The following ABCA3 variants were observed in gnomAD, a reference collection of about 807,000 sequenced individuals.
ABCA3 encodes phospholipid-transporting ATPase ABCA3.
Under a neutral mutation model 172.8 loss-of-function variants are expected in ABCA3, and 88 were observed. That is an observed-to-expected ratio of 0.51 (90% CI 0.43 to 0.61). ABCA3 has a LOEUF of 0.61. ABCA3 is among the 20% of genes least tolerant of loss of function. The pLI, the probability that ABCA3 is intolerant of heterozygous loss-of-function variation, is 0.00. For synonymous variants in ABCA3, 1,066 were observed against 983.8 expected, an observed-to-expected ratio of 1.08 and a Z score of -1.56; for missense variants, 2,164 against 2,301.0, an observed-to-expected ratio of 0.94 and a Z score of 1.22.
chr16:2,299,980 T>C, intron 13 of ABCA3, 25 bp downstream of exon 13: 1 of 1,611,558 alleles, frequency 6.2e-7, no homozygotes, highest in East Asian at 2.2e-5. Context: ...GCCCCGGCCC[T>C]CCCTGTCCCC....
chr16:2,277,760 A>G lies in ABCA3; in HGVS notation c.4910-90T>C. 1.9e-6 allele frequency: 3 copies of G among 1,595,816 alleles called. No homozygotes were observed. The highest frequency in any genetic ancestry group is 2.6e-6 in the Non-Finnish European group (3 of 1,169,278). ...TGCTCAGCACTGGAGTCCTCGTCCC[A>G]GGGATTGGGGAGATGGGACTTGGCG... is the stretch of plus-strand genomic sequence containing the variant. On this transcript the variant is annotated intron_variant, in intron 31 of 32. Transcript: ENST00000301732. This position sits in a 1 kb window ranked among gnomAD's most constrained non-coding sequence, Gnocchi z 5.3.
chr16:2,311,290 T>C (rs1397457222), intron 10 of ABCA3, among the ~76,000 whole-genome samples: 1 of 152,098 alleles, frequency 6.6e-6, no homozygotes, highest in Non-Finnish European at 1.5e-5. Context: ...CCTTTTATGT[T>C]GTTTGGTTGA....
In ABCA3 at chr16:2,304,148, T is replaced by C. The variant is rs751315023; in HGVS notation, c.1288A>G (p.Met430Val). Residue 430 changes from methionine to valine, a missense_variant and splice_region_variant, in exon 12 of 33, where the codon ATG becomes GTG. Met to Val is a conservative substitution (Grantham distance 21, BLOSUM62 1). Coordinates refer to ENST00000301732, the MANE Select transcript of ABCA3 (RefSeq NM_001089.3). ...QLIGKFEAKG[M>V]GIQWRDLLSP... ...AGGAGGTCTCGCCACTGGATGCCCA[T>C]GCCTGGAAGACACATCAGGAAAGTG... is the stretch of plus-strand genomic sequence containing the variant. 3.0e-5 allele frequency: 48 copies of C among 1,613,960 alleles called. No individual in the cohort carries two copies. Among genetic ancestry groups the C allele is most frequent in the East Asian group, 1.1e-4 (5 of 44,884 alleles).
At position 2,286,356 on chromosome 16, in the gene ABCA3, A is replaced by G. The variant is rs1270588764; in HGVS notation, c.3278+338T>C. 6.6e-6 allele frequency among the ~76,000 whole-genome samples: 1 copy of G among 152,168 alleles called. No homozygotes were observed. Among genetic ancestry groups the G allele is most frequent in the Non-Finnish European group, 1.5e-5 (1 of 68,020 alleles). On this transcript the variant is annotated intron_variant, in intron 22 of 32. Transcript: ENST00000301732. This position sits in a 1 kb window ranked among gnomAD's most constrained non-coding sequence, Gnocchi z 5.2. ...TGCTCACCCTCCATCACCTCAGCTC[A>G]TGTGCCCAGCAGGTCACACTGCTGG...
At chr16:2,292,048 G>A (rs911270990) in intron 19 of ABCA3, 92 bp downstream of exon 19, 1 of 1,007,250 alleles carries the variant, frequency 9.9e-7, no homozygotes, top group African/African-American at 1.6e-5. Flanking sequence ...ACTCCAGCCT[G>A]GGCAACTAGA....
chr16:2,339,633 T>A (rs1408313619), intron 1 of ABCA3, among the ~76,000 whole-genome samples: 1 of 152,164 alleles, frequency 6.6e-6, no homozygotes, highest in Non-Finnish European at 1.5e-5. Context: ...CTCCATGCTG[T>A]CGCGGGGTCT....
At chr16:2,299,101 C>T (rs2093684769) in intron 14 of ABCA3, among the ~76,000 whole-genome samples, 1 of 133,888 alleles carries the variant, frequency 7.5e-6, no homozygotes, top group African/African-American at 2.8e-5. Flanking sequence ...GGGGGTCCCC[C>T]TGCATTCACG....
chr16:2,339,889 CGCGATGCACACAG>C (rs1401097032), intron 1 of ABCA3, among the ~76,000 whole-genome samples: 4 of 152,388 alleles, frequency 2.6e-5, no homozygotes, highest in South Asian at 2.1e-4. Context: ...GACACACGGA[CGCGATGCACACAG>C]GCGTCCTGAC....
chr16:2,329,630 C>CAGT lies in ABCA3; in HGVS notation c.-332+15_-332+17dup, dbSNP rs1240312486. The CAGT allele has an allele frequency of 2.0e-5, 3 of 152,664 alleles. No individual in the cohort carries two copies. The highest frequency in any genetic ancestry group is 4.4e-5 in the Non-Finnish European group (3 of 68,404). 9.5% of individuals were successfully genotyped at this position (152,664 alleles called of 1,614,324 possible). On this transcript the variant is annotated intron_variant, in intron 2 of 32. Coordinates refer to ENST00000301732, the MANE Select transcript of ABCA3 (RefSeq NM_001089.3). The stretch of plus-strand genomic sequence containing the variant: ...CCCCCTTCCCACACAGGCTGCAGGG[C>CAGT]AGTACCAGGGAACTCACCTGGGTCC...
At chr16:2,306,964 G>A (rs1340326545) in intron 11 of ABCA3, among the ~76,000 whole-genome samples, 14 of 143,070 alleles carry the variant, frequency 9.8e-5, no homozygotes, top group South Asian at 4.4e-4. Flanking sequence ...GCAGTGAGCC[G>A]AGATTGCGCC....
chr16:2,310,124 G>A (rs553834531), intron 10 of ABCA3, among the ~76,000 whole-genome samples: 12 of 152,150 alleles, frequency 7.9e-5, no homozygotes, highest in African/African-American at 2.9e-4. Context: ...AAAAAACCCC[G>A]GCTGGGTGTG....
Position 2,317,699 on chromosome 16 carries a change from G to T in ABCA3, c.939C>A (p.Phe313Leu). Residue 313 changes from phenylalanine (F) to leucine (L), a missense_variant, in exon 9 of 33, where the codon TTC becomes TTA. Physicochemically the swap from Phe to Leu is conservative, Grantham distance 22. Transcript: ENST00000301732. ...LHWSAWFLLFFLFLLIAASFM... is the reference protein window; with the variant it reads ...LHWSAWFLLFLLFLLIAASFM... Reference sequence around the variant, plus strand: ...AGGAGGCGGCGATGAGGAGGAAGAGGAAGAACAAGAGGAACCAGGCACTCC... The same window carrying T: ...AGGAGGCGGCGATGAGGAGGAAGAGTAAGAACAAGAGGAACCAGGCACTCC... The T allele has an allele frequency of 6.2e-7, 1 of 1,614,236 alleles. No homozygotes were observed.
chr16:2,311,500 A>T (rs1287561766), intron 10 of ABCA3, among the ~76,000 whole-genome samples: 2 of 151,834 alleles, frequency 1.3e-5, no homozygotes. Context: ...ATTAACATCC[A>T]TTGGTTTATC....
chr16:2,286,864 C>T lies in ABCA3; in HGVS notation c.3108G>A (p.Thr1036=), dbSNP rs1030532843. 1.9e-6 allele frequency: 3 copies of T among 1,614,072 alleles called. No individual in the cohort carries two copies. Among genetic ancestry groups the T allele is most frequent in the African/African-American group, 1.3e-5 (1 of 75,024 alleles). Residue 1036 remains threonine, a synonymous_variant, in exon 22 of 33, where the codon ACG becomes ACA. Transcript: ENST00000301732. This position sits in a 1 kb window ranked among gnomAD's most constrained non-coding sequence, Gnocchi z 5.2. ...AASFRDVGER[T]VVNALFNNQA... ...GGTTGTTGAACAAGGCGTTGACGAC[C>T]GTGCGCTCTCCCACATCTCTGAAGG...
At chr16:2,290,001 A>ACACACACACACACACACC (rs770697754) in intron 19 of ABCA3, among the ~76,000 whole-genome samples, 4 of 137,222 alleles carry the variant, frequency 2.9e-5, no homozygotes, top group East Asian at 4.6e-4. Context: ...ACACACACAC[A>ACACACACACACACACACC]CCCCTTCCTA....
chr16:2,276,874 C>T, intron 32 of ABCA3, 69 bp from the exon 33 acceptor site: 1 of 1,597,050 alleles, frequency 6.3e-7, no homozygotes, highest in Non-Finnish European at 8.6e-7. Context: ...ACCTGGGAGT[C>T]CTCTGGCAAT....
chr16:2,330,407 C>T (rs1388754229), intron 1 of ABCA3, among the ~76,000 whole-genome samples: 4 of 150,708 alleles, frequency 2.7e-5, no homozygotes, highest in Admixed American at 6.6e-5. Flanking sequence ...GCAACCTCCA[C>T]CTCCCAGGTT....
At chr16:2,292,771 CAAA>C (rs1204461830) in intron 18 of ABCA3, among the ~76,000 whole-genome samples, 1 of 151,630 alleles carries the variant, frequency 6.6e-6, no homozygotes, top group Non-Finnish European at 1.5e-5. Flanking sequence ...ATAAATAAAA[CAAA>C]ACAAAACAAC....
At chr16:2,314,506 A>T (rs1406557660) in intron 10 of ABCA3, among the ~76,000 whole-genome samples, 1 of 152,046 alleles carries the variant, frequency 6.6e-6, no homozygotes, top group East Asian at 1.9e-4. Context: ...GTCGGGAAAC[A>T]TGAAAACCAT....
Sources: gnomAD v4.1 joint callset for allele counts (sites outside exome capture counted in the v4.1 genomes callset) on GRCh38, gnomAD v4.1.1 for gene constraint, Gnocchi (gnomAD v3.1) non-coding constraint, MANE v1.5 for transcripts, NCBI Gene and HGNC (gene_info 2026-07-23, HGNC 2026-07-21) for gene names.